The following CHST11 variants were observed in gnomAD, a reference collection of about 807,000 sequenced individuals.
The protein encoded by CHST11 is C4S-1.
In CHST11, 9 loss-of-function variants were observed where a neutral mutation model predicts 30.4. That is an observed-to-expected ratio of 0.30 (90% CI 0.18 to 0.52). The LOEUF (loss-of-function observed/expected upper bound fraction) is 0.52. CHST11 is among the 20% of genes least tolerant of loss of function. The pLI is 0.97. For missense variants in CHST11, 348 were observed against 460.6 expected (o/e 0.76, Z 2.24); for synonymous variants, 152 against 187.8 (o/e 0.81, Z 1.56).
At chr12:104,737,973 T>C (rs894460174) in intron 2 of CHST11, among the ~76,000 whole-genome samples, 1 of 152,176 alleles carries the variant, frequency 6.6e-6, no homozygotes, top group Non-Finnish European at 1.5e-5. Context: ...GATTCATTCA[T>C]GAAAACCCAC....
intron 1 of CHST11, among the ~76,000 whole-genome samples, chr12:104,504,099 C>T (rs1243785502): frequency 6.6e-6 from 1 of 152,196 alleles, no homozygotes. Context: ...TAATCATTCT[C>T]ACTCTCTAGG....
chr12:104,700,388 A>G (rs2039981915), intron 2 of CHST11, among the ~76,000 whole-genome samples: 2 of 152,216 alleles, frequency 1.3e-5, no homozygotes. Flanking sequence ...ATTATTCCAC[A>G]GGAGTCACTG....
intron 1 of CHST11, among the ~76,000 whole-genome samples, chr12:104,585,782 G>A (rs2038798895): frequency 6.6e-6 from 1 of 152,154 alleles, no homozygotes; most frequent in Non-Finnish European, 1.5e-5. Context: ...GTGTCAGCAG[G>A]GCCGTGTTCC....
intron 1 of CHST11, among the ~76,000 whole-genome samples, chr12:104,519,755 T>C (rs192230746): frequency 6.3e-4 from 96 of 152,302 alleles, no homozygotes; most frequent in Non-Finnish European, 1.1e-3. Context: ...CTCAGATTGA[T>C]ATTTTCATTC....
chr12:104,650,475 T>C (rs1481876166), intron 2 of CHST11, among the ~76,000 whole-genome samples: 3 of 152,232 alleles, frequency 2.0e-5, no homozygotes, highest in Admixed American at 2.0e-4. Flanking sequence ...GCTCAGATGC[T>C]TGCCAAGTTA....
intron 2 of CHST11, among the ~76,000 whole-genome samples, chr12:104,647,713 T>C (rs1424917404): frequency 6.6e-6 from 1 of 152,206 alleles, no homozygotes; most frequent in African/African-American, 2.4e-5. Flanking sequence ...AGCTTAACAA[T>C]AATCGTGATC....
At chr12:104,565,797 T>G (rs1175262212) in intron 1 of CHST11, among the ~76,000 whole-genome samples, 1 of 152,200 alleles carries the variant, frequency 6.6e-6, no homozygotes, top group East Asian at 1.9e-4. Flanking sequence ...GTTGTTCTTC[T>G]CAGCAGGCCC....
chr12:104,578,938 C>T (rs916939759), intron 1 of CHST11, among the ~76,000 whole-genome samples: 1 of 152,188 alleles, frequency 6.6e-6, no homozygotes, highest in African/African-American at 2.4e-5. Context: ...AATTAACTCA[C>T]GTAATGCAAA....
intron 1 of CHST11, among the ~76,000 whole-genome samples, chr12:104,462,167 CAAAA>C (rs796356338): frequency 6.1e-5 from 4 of 65,588 alleles, no homozygotes; most frequent in East Asian, 5.9e-4. Flanking sequence ...AACACCATCT[CAAAA>C]AAAAAAAAAA....
intron 1 of CHST11, among the ~76,000 whole-genome samples, chr12:104,585,818 C>T (rs958208901): frequency 1.3e-5 from 2 of 152,158 alleles, no homozygotes; most frequent in African/African-American, 4.8e-5. Context: ...GGAAGAATCC[C>T]TCCTTGCCTC....
At chr12:104,502,274 TG>T (rs2037860109) in intron 1 of CHST11, among the ~76,000 whole-genome samples, 1 of 152,156 alleles carries the variant, frequency 6.6e-6, no homozygotes, top group South Asian at 2.1e-4. Context: ...CTTGAACTCC[TG>T]GCTTTAAGCG....
At chr12:104,741,213 G>A (rs190725423) in intron 2 of CHST11, among the ~76,000 whole-genome samples, 10 of 152,336 alleles carry the variant, frequency 6.6e-5, no homozygotes, top group Admixed American at 5.9e-4. Flanking sequence ...GGTAAAGGTG[G>A]TGGAAATGGC....
chr12:104,685,456 T>C (rs1405279483), intron 2 of CHST11, among the ~76,000 whole-genome samples: 3 of 152,230 alleles, frequency 2.0e-5, no homozygotes, highest in African/African-American at 7.2e-5. Flanking sequence ...ATGATAAATT[T>C]TGAACACCTT....
At chr12:104,549,881 T>G (rs1284402756) in intron 1 of CHST11, among the ~76,000 whole-genome samples, 2 of 152,194 alleles carry the variant, frequency 1.3e-5, no homozygotes, top group African/African-American at 4.8e-5. Context: ...CATTCCAGCC[T>G]GGGCGACAGA....
At chr12:104,588,253 C>T (rs1418520480) in intron 1 of CHST11, among the ~76,000 whole-genome samples, 1 of 152,102 alleles carries the variant, frequency 6.6e-6, no homozygotes, top group Non-Finnish European at 1.5e-5. Flanking sequence ...ACTTGCCATC[C>T]CCACCCCTGG....
rs1565950286 is a variant in CHST11 at position 104,462,193 on chromosome 12, A to AAAAGG, written c.118+4668_118+4669insGAAAG. On this transcript the variant is annotated intron_variant, in intron 1 of 2. Coordinates refer to ENST00000303694, the MANE Select transcript of CHST11 (RefSeq NM_018413.6). ...AAAAAAAAAAAAAAAAAAGAAAAAG[A>AAAAGG]AAAGAAAAAAAGAAAATTTAGGAGG... 3.6e-4 allele frequency among the ~76,000 whole-genome samples: 53 copies of AAAAGG among 148,348 alleles called. No homozygotes were observed. The East Asian group carries it at 4.8e-3, about 13-fold the overall frequency.
chr12:104,662,694 A>G (rs143366912), intron 2 of CHST11, among the ~76,000 whole-genome samples: 14 of 152,340 alleles, frequency 9.2e-5, no homozygotes, highest in African/African-American at 2.6e-4. Context: ...TTTGAGAAGA[A>G]AGAAAAAGCT....
intron 1 of CHST11, among the ~76,000 whole-genome samples, chr12:104,535,959 T>C (rs1426545974): frequency 6.6e-6 from 1 of 152,228 alleles, no homozygotes; most frequent in African/African-American, 2.4e-5. Flanking sequence ...TACTTTCCTC[T>C]AGGACATCTG....
At chr12:104,713,031 A>G (rs953437113) in intron 2 of CHST11, among the ~76,000 whole-genome samples, 1 of 151,940 alleles carries the variant, frequency 6.6e-6, no homozygotes, top group African/African-American at 2.4e-5. Context: ...AACAAGTCCA[A>G]CCCCTAATTC....
Sources: allele counts gnomAD v4.1 joint callset (sites outside exome capture counted in the v4.1 genomes callset), GRCh38; gene constraint gnomAD v4.1.1; transcripts MANE v1.5; gene names NCBI Gene and HGNC (gene_info 2026-07-23, HGNC 2026-07-21).